Variants in MACC1 observed in about 807,000 individuals in gnomAD.
MACC1 encodes the protein metastasis-associated in colon cancer protein 1.
In MACC1, 79 loss-of-function variants were observed where a neutral mutation model predicts 70.7. That is an observed-to-expected ratio of 1.12 (90% CI 0.93 to 1.35). The LOEUF (loss-of-function observed/expected upper bound fraction) is 1.35, where lower values mean the gene tolerates loss of function less well. MACC1 is among the 40% of genes most tolerant of loss of function. MACC1 has a pLI of 0.00. For missense variants in MACC1, 1,106 were observed against 978.1 expected (o/e 1.13, Z -1.74); for synonymous variants, 361 against 347.2 (o/e 1.04, Z -0.44).
chr7:20,181,572 A>T (rs1023617131), intron 1 of MACC1, among the ~76,000 whole-genome samples: 3 of 152,150 alleles, frequency 2.0e-5, no homozygotes, highest in Non-Finnish European at 4.4e-5. Flanking sequence ...CATTTGCTAA[A>T]ATTCCATATT....
In MACC1 at chr7:20,139,037, T is replaced by G. The variant is rs1182841619; in HGVS notation, c.*1909A>C. The G allele has an allele frequency of 2.0e-5, 3 of 152,198 alleles. No homozygotes were observed. Among genetic ancestry groups the G allele is most frequent in the Non-Finnish European group, 4.4e-5 (3 of 68,020 alleles). The allele number at this position is 152,198 out of a possible 1,614,324, so 9.4% of individuals were successfully genotyped here. Reference sequence around the variant, plus strand: ...CATACCAAATATCCCAGGGTGGGTATATTAAAAGCCCTAAAAAGATTCTGC... The same window carrying G: ...CATACCAAATATCCCAGGGTGGGTAGATTAAAAGCCCTAAAAAGATTCTGC... On this transcript the variant is annotated 3_prime_UTR_variant, in exon 7 of 7. Coordinates refer to ENST00000400331, the MANE Select transcript of MACC1 (RefSeq NM_182762.4).
In MACC1 at chr7:20,140,991, CA is replaced by C. The variant is rs1781791701; in HGVS notation, c.2513del (p.Leu838TrpfsTer4). On this transcript the variant is annotated frameshift_variant, in exon 7 of 7. Coordinates refer to ENST00000400331, the MANE Select transcript of MACC1 (RefSeq NM_182762.4). LOFTEE classifies it high-confidence loss of function. ...LTGVLILVNS[L>X]EVLRVTAFST... ...AGAATGCAGTTACTCTCAAAACCTC[CA>C]AAGAATTTACTAGTATTAAAACTCC... is the stretch of plus-strand genomic sequence containing the variant. The C allele has an allele frequency of 6.2e-7, 1 of 1,613,690 alleles. No homozygotes were observed. Among genetic ancestry groups the C allele is most frequent in the Admixed American group, 1.7e-5 (1 of 59,968 alleles).
chr7:20,191,612 G>A (rs1335754274), intron 1 of MACC1, among the ~76,000 whole-genome samples: 2 of 152,168 alleles, frequency 1.3e-5, no homozygotes, highest in African/African-American at 2.4e-5. Flanking sequence ...AATTGCCGGA[G>A]GATGCAGGCA....
At chr7:20,184,010 T>C (rs1782549808) in intron 1 of MACC1, among the ~76,000 whole-genome samples, 1 of 152,120 alleles carries the variant, frequency 6.6e-6, no homozygotes. Flanking sequence ...ACCTGGCCCC[T>C]GATTCTAACT....
intron 5 of MACC1, among the ~76,000 whole-genome samples, chr7:20,154,619 T>A (rs1222998582): frequency 6.6e-6 from 1 of 152,168 alleles, no homozygotes; most frequent in Non-Finnish European, 1.5e-5. Flanking sequence ...AGTGGCTAAT[T>A]ATAGGACCTT....
intron 1 of MACC1, among the ~76,000 whole-genome samples, chr7:20,174,621 C>T (rs1029616713): frequency 3.3e-5 from 5 of 152,030 alleles, no homozygotes; most frequent in African/African-American, 1.2e-4. Context: ...CCAAAATCTA[C>T]TATTGATGTT....
intron 1 of MACC1, among the ~76,000 whole-genome samples, chr7:20,184,350 T>C (rs1782554203): frequency 6.6e-6 from 1 of 152,216 alleles, no homozygotes; most frequent in African/African-American, 2.4e-5. Context: ...CAATCTCAAT[T>C]GTGCCCAACA....
chr7:20,178,261 TCACACACACACA>T (rs71020623), intron 1 of MACC1, among the ~76,000 whole-genome samples: 143 of 98,946 alleles, frequency 1.4e-3, no homozygotes, highest in African/African-American at 4.7e-3. Flanking sequence ...TAATCTTATT[TCACACACACACA>T]CACACACACA....
chr7:20,178,812 T>A (rs1436481409), intron 1 of MACC1, among the ~76,000 whole-genome samples: 1 of 152,088 alleles, frequency 6.6e-6, no homozygotes, highest in Non-Finnish European at 1.5e-5. Context: ...GTTGGTCAGG[T>A]TGGTCTCGAA....
chr7:20,174,216 A>G (rs75729762), intron 1 of MACC1, among the ~76,000 whole-genome samples: 2,005 of 152,332 alleles, frequency 0.013, 42 homozygotes, highest in African/African-American at 0.045. Flanking sequence ...AGACAAAGAG[A>G]CAGAATTTGT....
intron 3 of MACC1, 22 bp from the exon 4 acceptor site, chr7:20,161,892 A>T (rs1007186314): frequency 2.1e-6 from 3 of 1,420,982 alleles, no homozygotes; most frequent in Non-Finnish European, 3.0e-6. Context: ...ATAGATAAGT[A>T]TTTTTTGTAA....
chr7:20,178,286 C>G (rs1362928536), intron 1 of MACC1, among the ~76,000 whole-genome samples: 1 of 151,564 alleles, frequency 6.6e-6, no homozygotes, highest in African/African-American at 2.4e-5. Flanking sequence ...CACACACACA[C>G]ACACACACAC....
intron 1 of MACC1, among the ~76,000 whole-genome samples, chr7:20,201,787 T>A (rs1301163671): frequency 1.3e-5 from 2 of 152,030 alleles, no homozygotes; most frequent in Non-Finnish European, 2.9e-5. Context: ...AAATTACCCT[T>A]TTGAGGTTTT....
At chr7:20,192,157 T>C (rs1337692790) in intron 1 of MACC1, among the ~76,000 whole-genome samples, 2 of 152,188 alleles carry the variant, frequency 1.3e-5, no homozygotes, top group Non-Finnish European at 2.9e-5. Flanking sequence ...TATTTTCTTA[T>C]TTTCATGAAA....
In MACC1 at chr7:20,197,501, T is replaced by C. The variant is rs865973467; in HGVS notation, c.-218+19798A>G. ...TTTGTTTTTCTTTCTCGAGCATTTT[T>C]ACATGTTGTCCTGGCTTTAGCTTTT... On this transcript the variant is annotated intron_variant, in intron 1 of 6. Transcript: ENST00000400331. 3.8e-4 allele frequency among the ~76,000 whole-genome samples: 58 copies of C among 152,376 alleles called. 1 individual carries two copies. The highest frequency in any genetic ancestry group is 9.9e-4 in the African/African-American group (41 of 41,598).
At position 20,193,707 on chromosome 7, in the gene MACC1, A is replaced by C. The variant is rs551049096; in HGVS notation, c.-217-22929T>G. ...TAGAGGGCCATGTCCCACTTTGTAA[A>C]ATGTGGAAAAATAAACATGTCATTA... is the stretch of plus-strand genomic sequence containing the variant. On this transcript the variant is annotated intron_variant, in intron 1 of 6. Transcript: ENST00000400331. 2.6e-5 allele frequency among the ~76,000 whole-genome samples: 4 copies of C among 152,252 alleles called. No individual in the cohort carries two copies. The South Asian group carries it at 8.3e-4, about 32-fold the overall frequency.
chr7:20,192,751 A>G (rs1372258842), intron 1 of MACC1, among the ~76,000 whole-genome samples: 1 of 152,252 alleles, frequency 6.6e-6, no homozygotes, highest in Non-Finnish European at 1.5e-5. Context: ...ATGCACACTG[A>G]AGCAAATTAT....
intron 1 of MACC1, among the ~76,000 whole-genome samples, chr7:20,171,987 G>T (rs986150521): frequency 6.6e-6 from 1 of 152,136 alleles, no homozygotes; most frequent in Non-Finnish European, 1.5e-5. Flanking sequence ...TGAGGATTGG[G>T]ACAAGTGATT....
At chr7:20,182,006 C>T (rs1008108533) in intron 1 of MACC1, among the ~76,000 whole-genome samples, 6 of 151,794 alleles carry the variant, frequency 4.0e-5, no homozygotes, top group African/African-American at 1.5e-4. Flanking sequence ...GAATACTATG[C>T]AGCCATAAAA....
Sources: allele counts gnomAD v4.1 joint callset (sites outside exome capture counted in the v4.1 genomes callset), GRCh38; gene constraint gnomAD v4.1.1; transcripts MANE v1.5; gene names NCBI Gene and HGNC (gene_info 2026-07-23, HGNC 2026-07-21).